XXYLT1: variants seen among roughly 807,000 people sequenced by gnomAD.
XXYLT1 encodes xyloside xylosyltransferase 1.
XXYLT1 carries 20 observed loss-of-function variants against 28.9 expected under a neutral mutation model. That is an observed-to-expected ratio of 0.69 (90% CI 0.49 to 1.00). The LOEUF is 1.00. XXYLT1 is among the 50% of genes least tolerant of loss of function. The probability of loss-of-function intolerance (pLI) is 0.00; values close to 1 mark genes in which losing one functional copy is unlikely to be tolerated. For missense variants in XXYLT1, 542 were observed against 560.1 expected (o/e 0.97, Z 0.33); for synonymous variants, 257 against 253.8 (o/e 1.01, Z -0.12).
At chr3:195,143,729 T>C (rs1416119764) in intron 3 of XXYLT1, among the ~76,000 whole-genome samples, 1 of 148,050 alleles carries the variant, frequency 6.8e-6, no homozygotes, top group Non-Finnish European at 1.5e-5. Context: ...TTGCAGTATG[T>C]TACATTTACT....
intron 2 of XXYLT1, among the ~76,000 whole-genome samples, chr3:195,181,584 C>T (rs551194547): frequency 2.6e-5 from 4 of 152,260 alleles, no homozygotes; most frequent in South Asian, 2.1e-4. Context: ...TGTATATAAG[C>T]TCACTTGGTG....
In XXYLT1 at chr3:195,195,674, G is replaced by A. The variant is rs1045063062; in HGVS notation, c.652+31035C>T. ...TGGCAGTTCCCCTACTGCCCAGCCCGGGAACTCCATTCATACAGCTCTCAG... is the reference window on the plus strand; with the variant it reads ...TGGCAGTTCCCCTACTGCCCAGCCCAGGAACTCCATTCATACAGCTCTCAG... On this transcript the variant is annotated intron_variant, in intron 2 of 3. Coordinates refer to ENST00000310380, the MANE Select transcript of XXYLT1 (RefSeq NM_152531.5). This position sits in a 1 kb window ranked among gnomAD's most constrained non-coding sequence, Gnocchi z 4.4. Among the ~76,000 whole-genome samples, 3 of 152,130 alleles carry A rather than the reference G, an allele frequency of 2.0e-5. No homozygotes were observed. The highest frequency in any genetic ancestry group is 4.1e-4 in the South Asian group (2 of 4,826).
At chr3:195,201,202 C>T (rs1485651443) in intron 2 of XXYLT1, among the ~76,000 whole-genome samples, 1 of 152,178 alleles carries the variant, frequency 6.6e-6, no homozygotes, top group Non-Finnish European at 1.5e-5. Flanking sequence ...CACTGGACTT[C>T]GAGTTCCTCT....
chr3:195,110,967 T>C (rs949920715), intron 3 of XXYLT1, among the ~76,000 whole-genome samples: 1 of 151,470 alleles, frequency 6.6e-6, no homozygotes, highest in African/African-American at 2.4e-5. Context: ...AGGGTGATAT[T>C]TATTTTCTAG....
intron 2 of XXYLT1, among the ~76,000 whole-genome samples, chr3:195,205,827 C>T (rs1723047688): frequency 6.6e-6 from 1 of 152,098 alleles, no homozygotes; most frequent in African/African-American, 2.4e-5. Flanking sequence ...CGTGCCACTG[C>T]ACTCCAGCCT....
At position 195,077,867 on chromosome 3, in the gene XXYLT1, G is replaced by A. The variant is rs895819370; in HGVS notation, c.786-7756C>T. 3.9e-5 allele frequency among the ~76,000 whole-genome samples: 6 copies of A among 152,090 alleles called. No homozygotes were observed. Among genetic ancestry groups the A allele is most frequent in the African/African-American group, 1.2e-4 (5 of 41,420 alleles). ...TCTCGAAGGCTTCTCCTGGCCCTCCGCTCCCCGTGCCCAGCCTGCCTGGGG... is the reference window on the plus strand; with the variant it reads ...TCTCGAAGGCTTCTCCTGGCCCTCCACTCCCCGTGCCCAGCCTGCCTGGGG... On this transcript the variant is annotated intron_variant, in intron 3 of 3. Coordinates refer to ENST00000310380, the MANE Select transcript of XXYLT1 (RefSeq NM_152531.5). The surrounding 1 kb of genome is among the most constrained non-coding windows in gnomAD (Gnocchi z 4.8).
chr3:195,139,176 G>A (rs1333444531), intron 3 of XXYLT1, among the ~76,000 whole-genome samples: 2 of 152,220 alleles, frequency 1.3e-5, no homozygotes, highest in African/African-American at 4.8e-5. Flanking sequence ...AGAGTCATCA[G>A]TTAGTTTGGG....
chr3:195,127,788 A>G (rs200284659), intron 3 of XXYLT1, among the ~76,000 whole-genome samples: 2 of 104,496 alleles, frequency 1.9e-5, no homozygotes, highest in African/African-American at 7.5e-5. Context: ...GTGTGTGTGT[A>G]ATTTTTCTGA....
At chr3:195,183,668 AG>A (rs1317668636) in intron 2 of XXYLT1, 1 of 152,232 alleles carries the variant, frequency 6.6e-6, no homozygotes, top group East Asian at 1.9e-4. Context: ...TCAGGAATCC[AG>A]GGGACTCAAG....
chr3:195,199,442 T>A (rs1722759924), intron 2 of XXYLT1, among the ~76,000 whole-genome samples: 1 of 151,978 alleles, frequency 6.6e-6, no homozygotes, highest in Admixed American at 6.6e-5. Context: ...AAACCCTGTC[T>A]CTACTAAAAA....
intron 2 of XXYLT1, among the ~76,000 whole-genome samples, chr3:195,172,844 C>G (rs940798394): frequency 3.3e-5 from 5 of 152,108 alleles, no homozygotes; most frequent in South Asian, 2.1e-4. Context: ...AAGGGAGTCA[C>G]TAGTGAAAAA....
Position 195,070,050 on chromosome 3 carries a change from CG to C in XXYLT1, c.846del (p.Glu283ArgfsTer10). 1.3e-6 allele frequency: 2 copies of C among 1,598,016 alleles called. No homozygotes were observed. Among genetic ancestry groups the C allele is most frequent in the Admixed American group, 1.7e-5 (1 of 59,682 alleles). ...CCGCTGTTGAAGCCCGGCAGCCCCT[CG>C]GGGGGCGGGCCCCCAACCCGGGTCT... ...NPQTRVGGPP[P>X]EGLPGFNSGV... On this transcript the variant is annotated frameshift_variant, in exon 4 of 4. Coordinates refer to ENST00000310380, the MANE Select transcript of XXYLT1 (RefSeq NM_152531.5). LOFTEE classifies it high-confidence loss of function.
intron 1 of XXYLT1, among the ~76,000 whole-genome samples, chr3:195,228,624 G>A (rs531994285): frequency 6.6e-6 from 1 of 151,296 alleles, no homozygotes; most frequent in Admixed American, 6.6e-5. Context: ...AAGTATCTGG[G>A]ACTACAGACG....
intron 3 of XXYLT1, among the ~76,000 whole-genome samples, chr3:195,088,671 A>G (rs1715952619): frequency 7.1e-6 from 1 of 140,902 alleles, no homozygotes; most frequent in Non-Finnish European, 1.5e-5. Context: ...ACAAAGCTGG[A>G]TGGAGAATGA....
intron 3 of XXYLT1, among the ~76,000 whole-genome samples, chr3:195,120,303 C>CCCCCCCCCCCCCCCCCCCT (rs1560106289): frequency 2.8e-5 from 4 of 142,166 alleles, no homozygotes; most frequent in Non-Finnish European, 4.6e-5. Flanking sequence ...GCCCCAGCCC[C>CCCCCCCCCCCCCCCCCCCT]CATGGCCACA....
intron 3 of XXYLT1, among the ~76,000 whole-genome samples, chr3:195,151,576 A>G (rs1263967524): frequency 3.3e-5 from 5 of 152,088 alleles, no homozygotes; most frequent in Admixed American, 6.5e-5. Flanking sequence ...TATACAATAA[A>G]CAATAAACAA....
chr3:195,179,117 G>A (rs1381016726), intron 2 of XXYLT1, among the ~76,000 whole-genome samples: 11 of 152,004 alleles, frequency 7.2e-5, no homozygotes, highest in African/African-American at 2.2e-4. Context: ...CGAGGCGGGC[G>A]GATCATGAGG....
At chr3:195,130,550 A>AT (rs745794182) in intron 3 of XXYLT1, among the ~76,000 whole-genome samples, 1 of 152,202 alleles carries the variant, frequency 6.6e-6, no homozygotes, top group Non-Finnish European at 1.5e-5. Flanking sequence ...TTACGGGTGA[A>AT]GTGTAGATCA....
At position 195,129,166 on chromosome 3, in the gene XXYLT1, G is replaced by A. The variant is rs907881622; in HGVS notation, c.785+27283C>T. On this transcript the variant is annotated intron_variant, in intron 3 of 3. Transcript: ENST00000310380. The surrounding 1 kb of genome is among the most constrained non-coding windows in gnomAD (Gnocchi z 4.4). ...ATAGAGAGGGACAGCAGAGTTTAGC[G>A]TGAACACTGAAGTCTGCACTTATAC... Among the ~76,000 whole-genome samples the A allele has an allele frequency of 2.0e-5, 3 of 152,180 alleles. No homozygotes were observed. The South Asian group carries it at 6.2e-4, about 32-fold the overall frequency.
Sources: allele counts gnomAD v4.1 joint callset (sites outside exome capture counted in the v4.1 genomes callset), GRCh38; gene constraint gnomAD v4.1.1; non-coding constraint Gnocchi (gnomAD v3.1); transcripts MANE v1.5; gene names NCBI Gene and HGNC (gene_info 2026-07-23, HGNC 2026-07-21).